The following STN1 variants were observed in gnomAD, a reference collection of about 807,000 sequenced individuals.
STN1 encodes STN1 subunit of CST complex, also known as CST complex subunit STN1.
Under a neutral mutation model 45.5 loss-of-function variants are expected in STN1, and 29 were observed. The observed-to-expected ratio is 0.64, with a 90% confidence interval of 0.47 to 0.87. The LOEUF is 0.87. STN1 is among the 40% of genes least tolerant of loss of function. STN1 has a pLI of 0.00. For synonymous variants in STN1, 148 were observed against 159.0 expected (o/e 0.93, Z 0.52); for missense variants, 376 against 441.4 (o/e 0.85, Z 1.33).
rs781564329 is a variant in STN1 at position 103,882,649 on chromosome 10, T to A, written c.*35A>T. The A allele has an allele frequency of 6.4e-7, 1 of 1,573,748 alleles. No individual in the cohort carries two copies. The highest frequency in any genetic ancestry group is 8.7e-7 in the Non-Finnish European group (1 of 1,155,834). ...GAGCCTGGGGGTGAATGCCACCTTA[T>A]CTTTGTCCTCCTCAGCTGGTCTGCG... On this transcript the variant is annotated 3_prime_UTR_variant, in exon 10 of 10. Transcript: ENST00000224950.
At position 103,880,079 on chromosome 10, in the gene STN1, A is replaced by G. The variant is rs542478318; in HGVS notation, c.*2605T>C. 2.7e-4 allele frequency among the ~76,000 whole-genome samples: 41 copies of G among 152,264 alleles called. No individual in the cohort carries two copies. The highest frequency in any genetic ancestry group is 9.1e-4 in the African/African-American group (38 of 41,572). Reference sequence around the variant, plus strand: ...CGCCTGGGCCAAGTATGGCTTCCACACTGGTTGAGTTCTTGCCCAGCACCA... The same window carrying G: ...CGCCTGGGCCAAGTATGGCTTCCACGCTGGTTGAGTTCTTGCCCAGCACCA... On this transcript the variant is annotated 3_prime_UTR_variant, in exon 10 of 10. Transcript: ENST00000224950.
chr10:103,915,476 T>C (rs1843325286), intron 2 of STN1, among the ~76,000 whole-genome samples: 1 of 152,164 alleles, frequency 6.6e-6, no homozygotes, highest in Non-Finnish European at 1.5e-5. Context: ...GACGCTCCTA[T>C]CACTCAGGAA....
intron 8 of STN1, among the ~76,000 whole-genome samples, chr10:103,889,599 C>A (rs1441040065): frequency 1.3e-5 from 2 of 150,320 alleles, no homozygotes; most frequent in African/African-American, 4.9e-5. Flanking sequence ...AAAAAAAAAC[C>A]CTGCAAGGAC....
At chr10:103,898,554 G>A (rs774555732) in intron 6 of STN1, among the ~76,000 whole-genome samples, 3 of 152,158 alleles carry the variant, frequency 2.0e-5, no homozygotes, top group Non-Finnish European at 4.4e-5. Context: ...TGAGTTTAAA[G>A]TTTTTATCAA....
Position 103,880,111 on chromosome 10 carries a change from A to G in STN1, c.*2573T>C, listed in dbSNP as rs1433510040. On this transcript the variant is annotated 3_prime_UTR_variant, in exon 10 of 10. Transcript: ENST00000224950. The stretch of plus-strand genomic sequence containing the variant: ...GAGTTCTTGCCCAGCACCAAAGAAG[A>G]ATGAGAATGTGCTGACAGTGGAAGA... Among the ~76,000 whole-genome samples the G allele has an allele frequency of 6.6e-6, 1 of 152,204 alleles. No homozygotes were observed. The highest frequency in any genetic ancestry group is 2.4e-5 in the African/African-American group (1 of 41,450).
intron 4 of STN1, among the ~76,000 whole-genome samples, chr10:103,904,203 T>C (rs1843226995): frequency 1.3e-5 from 2 of 152,120 alleles, no homozygotes; most frequent in Non-Finnish European, 2.9e-5. Flanking sequence ...GGCACTATAC[T>C]GTATATGTTG....
chr10:103,914,350 ATATATATATATATATATATATATATTT>A (rs1843311004), intron 2 of STN1, among the ~76,000 whole-genome samples: 1 of 14,832 alleles, frequency 6.7e-5, no homozygotes, highest in Non-Finnish European at 1.5e-4. Flanking sequence ...ATATATATAT[ATATATATATATATATATATATATATTT>A]TTTTTTTTTT....
At chr10:103,909,375 T>A (rs1353775128) in intron 3 of STN1, among the ~76,000 whole-genome samples, 1 of 92,468 alleles carries the variant, frequency 1.1e-5, no homozygotes, top group African/African-American at 3.9e-5. Context: ...AATATATATA[T>A]ATATGTATAT....
intron 3 of STN1, among the ~76,000 whole-genome samples, 184 bp downstream of exon 3, chr10:103,910,343 A>C (rs758108917): frequency 6.6e-6 from 1 of 152,018 alleles, no homozygotes; most frequent in Non-Finnish European, 1.5e-5. Flanking sequence ...TATCATTCCT[A>C]CCCGTTGCCT....
In STN1 at chr10:103,882,817, AG is replaced by A. The variant is rs753915223; in HGVS notation, c.973del (p.Leu325CysfsTer9). On this transcript the variant is annotated frameshift_variant, in exon 10 of 10. Transcript: ENST00000224950. LOFTEE classifies it high-confidence loss of function. ...CAGGCGAGCACAGGCCAAGATGTGCAGGAAGTGACAGCCCTTCTCCATGTCT... is the reference window on the plus strand; with the variant it reads ...CAGGCGAGCACAGGCCAAGATGTGCAGAAGTGACAGCCCTTCTCCATGTCT... The part of the protein sequence containing the change: ...PNHMEKGCHF[L>X]HILACARLSI... The A allele has an allele frequency of 1.2e-6, 2 of 1,613,324 alleles. No homozygotes were observed. The highest frequency in any genetic ancestry group is 8.5e-7 in the Non-Finnish European group (1 of 1,179,502).
In STN1 at chr10:103,882,050, A is replaced by C. The variant is rs1057503769; in HGVS notation, c.*634T>G. 1.2e-4 allele frequency among the ~76,000 whole-genome samples: 19 copies of C among 152,232 alleles called. No homozygotes were observed. The highest frequency in any genetic ancestry group is 1.2e-3 in the Admixed American group (18 of 15,290). On this transcript the variant is annotated 3_prime_UTR_variant, in exon 10 of 10. Coordinates refer to ENST00000224950, the MANE Select transcript of STN1 (RefSeq NM_024928.5). ...ACACCTTTCGATTCCCAAGGAAATA[A>C]AAGGAAAATGACAAACACATAGTCA...
intron 9 of STN1, among the ~76,000 whole-genome samples, chr10:103,883,097 A>G (rs1564910402): frequency 6.6e-6 from 1 of 152,248 alleles, no homozygotes; most frequent in African/African-American, 2.4e-5. Flanking sequence ...ATTCCCAATC[A>G]AAGATTTTTT....
rs374936481 is a variant in STN1, at chr10:103,880,007, C to T, written c.*2677G>A. Among the ~76,000 whole-genome samples the T allele has an allele frequency of 3.9e-5, 6 of 152,206 alleles. No individual in the cohort carries two copies. The highest frequency in any genetic ancestry group is 4.1e-4 in the South Asian group (2 of 4,828). The stretch of plus-strand genomic sequence containing the variant: ...GGCTGGTGACGGCCCACCTGGGCCT[C>T]GCTTGACCATGCTACCTGCTGCAGG... On this transcript the variant is annotated 3_prime_UTR_variant, in exon 10 of 10. Coordinates refer to ENST00000224950, the MANE Select transcript of STN1 (RefSeq NM_024928.5).
At chr10:103,901,705 T>C (rs943537663) in intron 4 of STN1, among the ~76,000 whole-genome samples, 5 of 152,242 alleles carry the variant, frequency 3.3e-5, no homozygotes, top group African/African-American at 1.2e-4. Flanking sequence ...ATGTAAGCTA[T>C]TTGTGATAAT....
At chr10:103,884,386 T>C (rs1037812077) in intron 9 of STN1, among the ~76,000 whole-genome samples, 2 of 152,186 alleles carry the variant, frequency 1.3e-5, no homozygotes, top group East Asian at 1.9e-4. Flanking sequence ...ATATCTTGCA[T>C]TGTAATTTGG....
rs1017252435 is a variant in STN1 at position 103,882,210 on chromosome 10, G to A, written c.*474C>T. On this transcript the variant is annotated 3_prime_UTR_variant, in exon 10 of 10. Transcript: ENST00000224950. ...CCAGGGAGAACTACTCCCCTAAACC[G>A]GTTCTTAGCCAGCAAGAGAGGCCCA... Among the ~76,000 whole-genome samples the A allele has an allele frequency of 6.6e-6, 1 of 152,094 alleles. No homozygotes were observed. The highest frequency in any genetic ancestry group is 1.5e-5 in the Non-Finnish European group (1 of 68,036).
At chr10:103,907,480 C>T (rs918593170) in intron 3 of STN1, among the ~76,000 whole-genome samples, 9 of 152,082 alleles carry the variant, frequency 5.9e-5, no homozygotes, top group Non-Finnish European at 8.8e-5. Flanking sequence ...TCAATGTATA[C>T]GTTGACTGTA....
chr10:103,878,253 G>A lies in STN1; in HGVS notation c.*4431C>T, dbSNP rs1482014572. The A allele has an allele frequency of 6.6e-6, 1 of 152,226 alleles. No homozygotes were observed. The highest frequency in any genetic ancestry group is 1.9e-4 in the East Asian group (1 of 5,200). The allele number at this position is 152,226 out of a possible 1,614,324, so 9.4% of individuals were successfully genotyped here. The stretch of plus-strand genomic sequence containing the variant: ...ACCTCCTGAAACATGTGCACACTAA[G>A]AGAACTGGAGAATGTTTGCTCAGTT... On this transcript the variant is annotated 3_prime_UTR_variant, in exon 10 of 10. Coordinates refer to ENST00000224950, the MANE Select transcript of STN1 (RefSeq NM_024928.5).
intron 5 of STN1, among the ~76,000 whole-genome samples, chr10:103,899,718 G>C (rs1843194502): frequency 6.6e-6 from 1 of 152,026 alleles, no homozygotes; most frequent in South Asian, 2.1e-4. Context: ...AAAAAATAAA[G>C]AAATTTCCAT....
Sources: allele counts gnomAD v4.1 joint callset (sites outside exome capture counted in the v4.1 genomes callset), GRCh38; gene constraint gnomAD v4.1.1; transcripts MANE v1.5; gene names NCBI Gene and HGNC (gene_info 2026-07-23, HGNC 2026-07-21).